CHP1: variants seen among roughly 807,000 people sequenced by gnomAD.
The protein encoded by CHP1 is calcineurin B homologous protein 1.
In CHP1, 11 loss-of-function variants were observed where a neutral mutation model predicts 27.4. The observed-to-expected ratio is 0.40, with a 90% CI of 0.25 to 0.67. The LOEUF (loss-of-function observed/expected upper bound fraction) is 0.67. Among genes scored for constraint, CHP1 ranks in the 30% least tolerant of loss-of-function variants. The probability of loss-of-function intolerance (pLI) is 0.38; values close to 1 mark genes in which losing one functional copy is unlikely to be tolerated. For missense variants in CHP1, 169 were observed against 251.3 expected, an observed-to-expected ratio of 0.67 and a Z score of 2.22; for synonymous variants, 89 against 87.4, an observed-to-expected ratio of 1.02 and a Z score of -0.10.
chr15:41,243,806 G>T (rs1160432927), intron 2 of CHP1, 67 bp downstream of exon 2: 4 of 1,379,990 alleles, frequency 2.9e-6, no homozygotes, highest in Non-Finnish European at 4.1e-6. Context: ...CTGAATAGCT[G>T]CCTTTATCCC....
intron 1 of CHP1, among the ~76,000 whole-genome samples, chr15:41,236,057 TG>T (rs1162178618): frequency 5.3e-5 from 8 of 150,854 alleles, no homozygotes; most frequent in African/African-American, 2.0e-4. Flanking sequence ...GAGAGGGCAT[TG>T]TGGGAAAGAG....
intron 2 of CHP1, among the ~76,000 whole-genome samples, chr15:41,251,364 G>A (rs1303407562): frequency 6.6e-6 from 1 of 152,082 alleles, no homozygotes; most frequent in Non-Finnish European, 1.5e-5. Flanking sequence ...GATTACATCA[G>A]AACAAAGAAT....
chr15:41,249,347 C>T (rs893442370), intron 2 of CHP1, among the ~76,000 whole-genome samples: 3 of 151,480 alleles, frequency 2.0e-5, no homozygotes, highest in African/African-American at 7.3e-5. Context: ...GAGAGGAGGT[C>T]TCGCCATGTT....
intron 4 of CHP1, among the ~76,000 whole-genome samples, chr15:41,268,262 A>G (rs1274756420): frequency 6.6e-6 from 1 of 152,130 alleles, no homozygotes. Context: ...AGGAGTTGAA[A>G]TTTGAGCTGA....
intron 4 of CHP1, among the ~76,000 whole-genome samples, chr15:41,268,443 G>A (rs963893844): frequency 1.3e-5 from 2 of 151,976 alleles, no homozygotes; most frequent in Admixed American, 6.6e-5. Context: ...TCAAGAGATC[G>A]AGACCATCCT....
intron 3 of CHP1, among the ~76,000 whole-genome samples, chr15:41,258,543 C>T (rs536816970): frequency 4.6e-5 from 7 of 152,096 alleles, no homozygotes; most frequent in Non-Finnish European, 1.0e-4. Context: ...ATTTTACTTT[C>T]GTGATATTGA....
At chr15:41,269,515 A>G (rs952771841) in intron 4 of CHP1, among the ~76,000 whole-genome samples, 2 of 152,008 alleles carry the variant, frequency 1.3e-5, no homozygotes, top group African/African-American at 2.4e-5. Flanking sequence ...CCTTGTTCAA[A>G]TGTTACCTCT....
chr15:41,278,753 T>G lies in CHP1; in HGVS notation c.412-14T>G. The G allele has an allele frequency of 1.2e-6, 2 of 1,614,020 alleles. No individual in the cohort carries two copies. Among genetic ancestry groups the G allele is most frequent in the South Asian group, 2.2e-5 (2 of 91,084 alleles). ...TCCCAAGGCCCTTGTAATTCCTGGC[T>G]CTTGGTCTTCCAGGTGCTACGCATG... On this transcript the variant is annotated splice_polypyrimidine_tract_variant and intron_variant, in intron 5 of 6. Coordinates refer to ENST00000334660, the MANE Select transcript of CHP1 (RefSeq NM_007236.5).
chr15:41,240,028 G>A (rs1005262844), intron 1 of CHP1, among the ~76,000 whole-genome samples: 3 of 151,634 alleles, frequency 2.0e-5, no homozygotes, highest in Non-Finnish European at 4.4e-5. Flanking sequence ...CGCCCGCCTC[G>A]GCCTCCCAAA....
At chr15:41,267,010 A>G (rs570039563) in intron 4 of CHP1, among the ~76,000 whole-genome samples, 3 of 152,082 alleles carry the variant, frequency 2.0e-5, no homozygotes, top group African/African-American at 7.2e-5. Flanking sequence ...GAAAAAAAAA[A>G]GGAAATTCTG....
intron 3 of CHP1, among the ~76,000 whole-genome samples, chr15:41,258,459 A>G (rs531283376): frequency 1.3e-5 from 2 of 152,292 alleles, no homozygotes; most frequent in African/African-American, 4.8e-5. Context: ...CCCCGCCTCC[A>G]GTACAGGATC....
chr15:41,267,182 G>C (rs1457055988), intron 4 of CHP1, among the ~76,000 whole-genome samples: 7 of 152,074 alleles, frequency 4.6e-5, no homozygotes, highest in Non-Finnish European at 8.8e-5. Flanking sequence ...GCTGGGGGAT[G>C]GTGGTGGTGA....
chr15:41,260,952 C>G (rs530652654), intron 3 of CHP1, among the ~76,000 whole-genome samples: 1 of 149,472 alleles, frequency 6.7e-6, no homozygotes, highest in Non-Finnish European at 1.5e-5. Context: ...GGCGCAGTCT[C>G]GGCTCACGCA....
At chr15:41,248,435 T>C (rs1019674712) in intron 2 of CHP1, among the ~76,000 whole-genome samples, 16 of 152,198 alleles carry the variant, frequency 1.1e-4, no homozygotes, top group African/African-American at 3.9e-4. Context: ...TTTTATTTTA[T>C]TTTCATTTTT....
chr15:41,244,123 G>A (rs1422877026), intron 2 of CHP1, among the ~76,000 whole-genome samples: 1 of 151,472 alleles, frequency 6.6e-6, no homozygotes, highest in African/African-American at 2.4e-5. Flanking sequence ...GCTTGAACCC[G>A]GGAGGCAGAG....
rs545910522 is a variant in CHP1 at position 41,231,297 on chromosome 15, C to T, written c.-86C>T. 3.0e-6 allele frequency: 4 copies of T among 1,319,078 alleles called. No homozygotes were observed. Among genetic ancestry groups the T allele is most frequent in the Non-Finnish European group, 4.3e-6 (4 of 936,248 alleles). 81.7% of individuals were successfully genotyped at this position (1,319,078 alleles called of 1,614,324 possible). On this transcript the variant is annotated 5_prime_UTR_variant, in exon 1 of 7. Coordinates refer to ENST00000334660, the MANE Select transcript of CHP1 (RefSeq NM_007236.5). ...GAAACACTGCCCTCTCCCTTCTTGA[C>T]CCCTAGCCCTTCCTTCCCTCCCTCC...
chr15:41,267,348 G>T (rs1352135251), intron 4 of CHP1, among the ~76,000 whole-genome samples: 1 of 151,842 alleles, frequency 6.6e-6, no homozygotes, highest in African/African-American at 2.4e-5. Context: ...TACATTTTAT[G>T]TATATTTTAC....
chr15:41,258,773 T>C (rs2047415971), intron 3 of CHP1, among the ~76,000 whole-genome samples: 1 of 152,208 alleles, frequency 6.6e-6, no homozygotes, highest in South Asian at 2.1e-4. Flanking sequence ...TCCTGGTTTA[T>C]ATGGATAGTC....
chr15:41,241,118 T>G (rs1385477710), intron 1 of CHP1, among the ~76,000 whole-genome samples: 1 of 152,206 alleles, frequency 6.6e-6, no homozygotes, highest in East Asian at 1.9e-4. Flanking sequence ...CCCAAAGTGC[T>G]GAGATTACAG....
Sources: gnomAD v4.1 joint callset for allele counts (sites outside exome capture counted in the v4.1 genomes callset) on GRCh38, gnomAD v4.1.1 for gene constraint, MANE v1.5 for transcripts, NCBI Gene and HGNC (gene_info 2026-07-23, HGNC 2026-07-21) for gene names.